The following FHIT variants were observed in gnomAD, a reference collection of about 807,000 sequenced individuals.
FHIT encodes the protein fragile histidine triad diadenosine triphosphatase, also known as bis(5'-adenosyl)-triphosphatase.
Under a neutral mutation model 17.9 loss-of-function variants are expected in FHIT, and 19 were observed. That is an observed-to-expected ratio of 1.06 (90% CI 0.74 to 1.56). The LOEUF (loss-of-function observed/expected upper bound fraction) is 1.56. Ranked by LOEUF, FHIT falls within the 40% of genes most tolerant of loss-of-function variation. FHIT has a pLI of 0.00. For synonymous variants in FHIT, 81 were observed against 69.7 expected, an observed-to-expected ratio of 1.16 and a Z score of -0.81; for missense variants, 248 against 189.2, an observed-to-expected ratio of 1.31 and a Z score of -1.82.
At chr3:60,218,089 T>C (rs895544485) in intron 5 of FHIT, among the ~76,000 whole-genome samples, 4 of 152,286 alleles carry the variant, frequency 2.6e-5, no homozygotes, top group Non-Finnish European at 4.4e-5. Flanking sequence ...TTTAAAAAAA[T>C]TTTAATTTCT....
intron 5 of FHIT, among the ~76,000 whole-genome samples, chr3:60,233,051 G>C (rs549761052): frequency 3.3e-5 from 5 of 152,240 alleles, no homozygotes; most frequent in Non-Finnish European, 7.4e-5. Flanking sequence ...GGGTGCAGCT[G>C]GAGAGAAGGG....
chr3:60,513,336 G>A (rs749762200), intron 5 of FHIT, among the ~76,000 whole-genome samples: 2 of 152,086 alleles, frequency 1.3e-5, no homozygotes, highest in Admixed American at 6.6e-5. Context: ...GACCACCCAT[G>A]GAATTTCCCA....
chr3:60,248,891 T>C (rs983296438), intron 5 of FHIT, among the ~76,000 whole-genome samples: 1 of 152,126 alleles, frequency 6.6e-6, no homozygotes, highest in South Asian at 2.1e-4. Flanking sequence ...CACATTTTTA[T>C]CATCAAGGAT....
intron 8 of FHIT, among the ~76,000 whole-genome samples, chr3:59,905,133 G>A (rs1704526425): frequency 6.6e-6 from 1 of 152,194 alleles, no homozygotes; most frequent in Admixed American, 6.5e-5. Flanking sequence ...CTAGGCATTT[G>A]CCTGCCTCCT....
intron 5 of FHIT, among the ~76,000 whole-genome samples, chr3:60,150,087 T>C (rs917239957): frequency 1.4e-5 from 2 of 142,522 alleles, no homozygotes; most frequent in Non-Finnish European, 3.0e-5. Flanking sequence ...CCTCTGCCTC[T>C]GGGGTTCAAG....
At chr3:60,576,834 T>C (rs2037582473) in intron 4 of FHIT, among the ~76,000 whole-genome samples, 1 of 152,004 alleles carries the variant, frequency 6.6e-6, no homozygotes, top group Non-Finnish European at 1.5e-5. Flanking sequence ...CCTATCCCCC[T>C]AAAGCCCACT....
intron 4 of FHIT, among the ~76,000 whole-genome samples, chr3:60,601,964 T>C (rs2038458221): frequency 6.6e-6 from 1 of 152,152 alleles, no homozygotes; most frequent in Non-Finnish European, 1.5e-5. Context: ...ATTACCATGA[T>C]GGAGAAACTC....
intron 3 of FHIT, among the ~76,000 whole-genome samples, chr3:61,026,774 A>G (rs1196428694): frequency 6.6e-6 from 1 of 152,194 alleles, no homozygotes; most frequent in African/African-American, 2.4e-5. Context: ...AAAGCTTACA[A>G]TGAGCTTTAA....
In FHIT at chr3:60,206,822, G is replaced by A. The variant is rs529749097; in HGVS notation, c.104-192670C>T. 3.9e-5 allele frequency among the ~76,000 whole-genome samples: 6 copies of A among 152,054 alleles called. No individual in the cohort carries two copies. In the East Asian group the frequency reaches 5.9e-4, roughly 15 times the overall value. On this transcript the variant is annotated intron_variant, in intron 5 of 9. Coordinates refer to ENST00000492590, the MANE Select transcript of FHIT (RefSeq NM_002012.4). ...TGCCCTTTAAAAATCCCCACACCACGTACTTTTATTAATTTAATTTGGTGT... is the reference window on the plus strand; with the variant it reads ...TGCCCTTTAAAAATCCCCACACCACATACTTTTATTAATTTAATTTGGTGT...
chr3:60,561,723 G>C (rs947907714), intron 4 of FHIT, among the ~76,000 whole-genome samples: 11 of 152,294 alleles, frequency 7.2e-5, no homozygotes, highest in African/African-American at 2.6e-4. Flanking sequence ...AGGAATGTCT[G>C]TGACTATGCT....
intron 3 of FHIT, among the ~76,000 whole-genome samples, chr3:60,881,134 G>A (rs1417242830): frequency 1.3e-5 from 2 of 152,164 alleles, no homozygotes; most frequent in Non-Finnish European, 2.9e-5. Flanking sequence ...TAAAAAGCGA[G>A]CAGGAGTAGC....
chr3:60,614,137 G>T (rs115496568), intron 4 of FHIT, among the ~76,000 whole-genome samples: 1 of 152,038 alleles, frequency 6.6e-6, no homozygotes, highest in African/African-American at 2.4e-5. Context: ...TAGGAAGTAG[G>T]TGCCCACTGA....
intron 5 of FHIT, among the ~76,000 whole-genome samples, chr3:60,076,376 ATT>A (rs1352779447): frequency 1.3e-5 from 2 of 152,076 alleles, no homozygotes; most frequent in Non-Finnish European, 2.9e-5. Flanking sequence ...AGAAAAGCCT[ATT>A]TCTCTTTAAA....
Position 61,022,743 on chromosome 3 carries a change from C to T in FHIT, c.-111+19304G>A, listed in dbSNP as rs1035308247. 1.1e-4 allele frequency among the ~76,000 whole-genome samples: 17 copies of T among 152,138 alleles called. 1 individual carries two copies. On this transcript the variant is annotated intron_variant, in intron 3 of 9. Transcript: ENST00000492590. ...ACATAAACAGAACCAATGACAAAAA[C>T]CACATGATTAACTCAATAGATGCAG...
intron 5 of FHIT, among the ~76,000 whole-genome samples, chr3:60,413,340 GGAGA>G (rs1169069786): frequency 6.6e-6 from 1 of 151,986 alleles, no homozygotes; most frequent in Non-Finnish European, 1.5e-5. Context: ...TGAGTAAGAG[GGAGA>G]GAGAGAGGGA....
At chr3:60,651,088 T>C (rs1397284768) in intron 4 of FHIT, among the ~76,000 whole-genome samples, 2 of 152,180 alleles carry the variant, frequency 1.3e-5, no homozygotes, top group Non-Finnish European at 1.5e-5. Context: ...TAATATTCCA[T>C]GGTATAGAGT....
intron 8 of FHIT, among the ~76,000 whole-genome samples, chr3:59,906,161 C>G (rs1356943167): frequency 6.6e-6 from 1 of 152,168 alleles, no homozygotes. Flanking sequence ...AATAACTGGA[C>G]AGTACAATGC....
chr3:61,037,978 T>G (rs988633873), intron 3 of FHIT, among the ~76,000 whole-genome samples: 1 of 152,216 alleles, frequency 6.6e-6, no homozygotes, highest in Non-Finnish European at 1.5e-5. Context: ...ACAGTCCTAG[T>G]CAGTCAGGGA....
At chr3:60,277,214 T>C (rs12636197) in intron 5 of FHIT, among the ~76,000 whole-genome samples, 38,501 of 152,052 alleles carry the variant, frequency 0.25, 5,632 homozygotes, top group East Asian at 0.7. Context: ...AAAAATGTTT[T>C]GTGAGGGACA....
Sources: gnomAD v4.1 joint callset for allele counts (sites outside exome capture counted in the v4.1 genomes callset) on GRCh38, gnomAD v4.1.1 for gene constraint, MANE v1.5 for transcripts, NCBI Gene and HGNC (gene_info 2026-07-23, HGNC 2026-07-21) for gene names.